Variants in NIPAL3 observed in about 807,000 individuals in gnomAD.
NIPAL3 encodes NIPA like domain containing 3, also known as NIPA-like protein 3.
A neutral mutation model predicts 47.2 loss-of-function variants in NIPAL3; 41 were observed. That is an observed-to-expected ratio of 0.87 (90% CI 0.68 to 1.13). The LOEUF is 1.13. Among genes scored for constraint, NIPAL3 ranks in the 50% most tolerant of loss-of-function variants. NIPAL3 has a pLI of 0.00. For missense variants in NIPAL3, 449 were observed against 530.1 expected (o/e 0.85, Z 1.50); for synonymous variants, 194 against 209.6 (o/e 0.93, Z 0.64).
intron 2 of NIPAL3, among the ~76,000 whole-genome samples, chr1:24,427,270 G>C (rs1412983436): frequency 1.3e-5 from 2 of 152,178 alleles, no homozygotes; most frequent in Non-Finnish European, 2.9e-5. Context: ...GGCACTGCAG[G>C]GTGCCTCGTA....
intron 3 of NIPAL3, among the ~76,000 whole-genome samples, chr1:24,440,661 T>G (rs1386087329): frequency 6.6e-6 from 1 of 152,206 alleles, no homozygotes; most frequent in Non-Finnish European, 1.5e-5. Context: ...CCTCGGCCTG[T>G]CTGAGTTCAC....
rs773010814 is a variant in NIPAL3 at position 24,469,097 on chromosome 1, C to T, written c.1133C>T (p.Ala378Val). The T allele has an allele frequency of 6.2e-7, 1 of 1,614,146 alleles. No homozygotes were observed. ...NDNISEIYAP[A>V]TLPVMQEEHG... ...AACATTTCTGAGATCTACGCTCCTG[C>T]CACCCTGCCAGTCATGCAAGAAGAG... Residue 378 changes from alanine (A) to valine (V), a missense_variant, in exon 12 of 12, where the codon GCC becomes GTC. By Grantham distance (64) the Ala-to-Val change is moderately conservative. Coordinates refer to ENST00000374399, the MANE Select transcript of NIPAL3 (RefSeq NM_020448.5).
chr1:24,442,362 A>G (rs1015185204), intron 4 of NIPAL3, 136 bp downstream of exon 4: 10 of 864,016 alleles, frequency 1.2e-5, no homozygotes, highest in African/African-American at 1.7e-5. Flanking sequence ...AAAGGGCTTC[A>G]GACACACCAG....
chr1:24,416,703 A>G lies in NIPAL3; in HGVS notation c.-258+799A>G, dbSNP rs1008265170. 1.3e-5 allele frequency: 2 copies of G among 152,132 alleles called. No homozygotes were observed. The highest frequency in any genetic ancestry group is 4.8e-5 in the African/African-American group (2 of 41,410). The allele number at this position is 152,132 out of a possible 1,614,324, so 9.4% of individuals were successfully genotyped here. ...TGAAGAAATGCTTCGAAATCAGGAA[A>G]AGAGAGTCACCAGGTGAAAAGTATG... On this transcript the variant is annotated intron_variant, in intron 1 of 11. Coordinates refer to ENST00000374399, the MANE Select transcript of NIPAL3 (RefSeq NM_020448.5). This position sits in a 1 kb window ranked among gnomAD's most constrained non-coding sequence, Gnocchi z 4.8.
intron 2 of NIPAL3, 50 bp downstream of exon 2, chr1:24,419,690 T>C: frequency 6.6e-7 from 1 of 1,520,396 alleles, no homozygotes; most frequent in Non-Finnish European, 9.1e-7. Context: ...AGCAAGGAAG[T>C]TACACAGTGC....
At chr1:24,429,048 A>G (rs947563125) in intron 2 of NIPAL3, among the ~76,000 whole-genome samples, 15 of 152,336 alleles carry the variant, frequency 9.8e-5, no homozygotes, top group African/African-American at 3.4e-4. Context: ...CTCTTGCGGT[A>G]AAAATAAAAT....
chr1:24,465,916 G>T (rs1646678806), intron 11 of NIPAL3: 1 of 1,462,832 alleles, frequency 6.8e-7, no homozygotes, highest in African/African-American at 1.4e-5. Flanking sequence ...GAATAAAACT[G>T]CTGAACAGTC....
intron 7 of NIPAL3, among the ~76,000 whole-genome samples, chr1:24,455,151 T>C (rs1017853607): frequency 6.6e-6 from 1 of 152,034 alleles, no homozygotes; most frequent in Non-Finnish European, 1.5e-5. Flanking sequence ...AGCTGAAGAA[T>C]AGGAAAGCAA....
At chr1:24,429,099 T>A (rs1644763405) in intron 2 of NIPAL3, among the ~76,000 whole-genome samples, 1 of 152,194 alleles carries the variant, frequency 6.6e-6, no homozygotes, top group South Asian at 2.1e-4. Context: ...GAAACTACCA[T>A]CTTTATGCAT....
chr1:24,448,655 A>G (rs1040018423), intron 5 of NIPAL3, among the ~76,000 whole-genome samples: 4 of 152,094 alleles, frequency 2.6e-5, no homozygotes, highest in Non-Finnish European at 5.9e-5. Context: ...AATGAAAAAG[A>G]CAAAATGTAA....
intron 2 of NIPAL3, among the ~76,000 whole-genome samples, chr1:24,429,358 G>A (rs1312936640): frequency 2.0e-5 from 3 of 152,148 alleles, no homozygotes; most frequent in Admixed American, 2.0e-4. Context: ...TTTAAACTTG[G>A]CATTTTTTAT....
chr1:24,418,450 C>T (rs543763208), intron 1 of NIPAL3, among the ~76,000 whole-genome samples: 2 of 151,872 alleles, frequency 1.3e-5, no homozygotes, highest in Non-Finnish European at 2.9e-5. Context: ...GATAACATGG[C>T]GAAACCCTGT....
rs774508168 is a variant in NIPAL3, at chr1:24,456,167, G to A, written c.667G>A (p.Val223Met). The A allele has an allele frequency of 5.5e-5, 89 of 1,614,070 alleles. 2 individuals are homozygous for A. In the South Asian group the frequency reaches 5.7e-4, roughly 10 times the overall value. ...CATGACAGTGGTGACAGTCAAGGCC[G>A]TGGCTGGGATGCTTGTCTTGTCCAT... ...GSMTVVTVKA[V>M]AGMLVLSIQG... The change falls in exon 8 of 12, where the codon GTG becomes ATG. Residue 223 changes from valine to methionine, a missense_variant. Val to Met is a conservative substitution (Grantham distance 21, BLOSUM62 1). Coordinates refer to ENST00000374399, the MANE Select transcript of NIPAL3 (RefSeq NM_020448.5).
At chr1:24,459,086 A>G (rs1646354140) in intron 9 of NIPAL3, 110 bp downstream of exon 9, 5 of 900,270 alleles carry the variant, frequency 5.6e-6, no homozygotes, top group Non-Finnish European at 7.1e-6. Context: ...AGAGTGATTT[A>G]TGGGTTCATG....
At chr1:24,448,568 C>A (rs1296346065) in intron 5 of NIPAL3, among the ~76,000 whole-genome samples, 2 of 151,800 alleles carry the variant, frequency 1.3e-5, no homozygotes, top group Non-Finnish European at 2.9e-5. Context: ...TTTAGTTTGC[C>A]CATAAAGTGA....
intron 2 of NIPAL3, among the ~76,000 whole-genome samples, chr1:24,433,577 C>T (rs777426714): frequency 6.6e-6 from 1 of 152,214 alleles, no homozygotes; most frequent in Non-Finnish European, 1.5e-5. Context: ...TGACATTCCA[C>T]CTTTTTCTGA....
intron 2 of NIPAL3, among the ~76,000 whole-genome samples, chr1:24,428,293 A>C (rs980736319): frequency 6.6e-6 from 1 of 151,078 alleles, no homozygotes; most frequent in African/African-American, 2.4e-5. Flanking sequence ...AGAGAGAGAG[A>C]GAGAGAGAGA....
chr1:24,459,912 A>T (rs1646391860), intron 9 of NIPAL3, among the ~76,000 whole-genome samples: 1 of 152,204 alleles, frequency 6.6e-6, no homozygotes, highest in South Asian at 2.1e-4. Context: ...TGTGGGTGAG[A>T]TGATTCTGGA....
At position 24,440,847 on chromosome 1, in the gene NIPAL3, A is replaced by T. The variant is rs1389546705; in HGVS notation, c.162+607A>T. Among the ~76,000 whole-genome samples, 3 of 152,264 alleles carry T rather than the reference A, an allele frequency of 2.0e-5. No homozygotes were observed. The East Asian group carries it at 5.8e-4, about 29-fold the overall frequency. On this transcript the variant is annotated intron_variant, in intron 3 of 11. Transcript: ENST00000374399. ...GTGGGAGGCAGGGAATAAATGCCCCAGGCTCTTATCCTCTGCTAGGATGAT... is the reference window on the plus strand; with the variant it reads ...GTGGGAGGCAGGGAATAAATGCCCCTGGCTCTTATCCTCTGCTAGGATGAT...
Sources: allele counts gnomAD v4.1 joint callset (sites outside exome capture counted in the v4.1 genomes callset), GRCh38; gene constraint gnomAD v4.1.1; non-coding constraint Gnocchi (gnomAD v3.1); transcripts MANE v1.5; gene names NCBI Gene and HGNC (gene_info 2026-07-23, HGNC 2026-07-21).